The following DMTF1 variants were observed in gnomAD, a reference collection of about 807,000 sequenced individuals.
DMTF1 encodes cyclin-D-binding Myb-like transcription factor 1.
A neutral mutation model predicts 91.1 loss-of-function variants in DMTF1; 39 were observed. The ratio of observed to expected loss-of-function variants is 0.43; its 90% CI spans 0.33 to 0.56. DMTF1 has a LOEUF of 0.56. DMTF1 is among the 20% of genes least tolerant of loss of function. DMTF1 has a pLI of 0.05. For synonymous variants in DMTF1, 338 were observed against 309.5 expected (o/e 1.09, Z -0.97); for missense variants, 750 against 914.5 (o/e 0.82, Z 2.32).
intron 14 of DMTF1, chr7:87,192,953 C>A (rs953165384): frequency 4.6e-6 from 2 of 432,698 alleles, no homozygotes; most frequent in Non-Finnish European, 8.4e-6. Flanking sequence ...GTGGCTCATA[C>A]AACTGTCTTG....
At position 87,165,026 on chromosome 7, in the gene DMTF1, C is replaced by G. The variant is rs768895889; in HGVS notation, c.85C>G (p.Leu29Val). Residue 29 changes from leucine to valine, a missense_variant, in exon 3 of 18, where the codon CTC becomes GTC. Around this residue, in one of 3 missense-constraint regions of DMTF1, gnomAD observed 150 missense variants for 150.4 expected, o/e 1.00. Coordinates refer to ENST00000331242, the MANE Select transcript of DMTF1 (RefSeq NM_001142327.2). ...VTLTQDTEGN[L>V]ILHCPQNEAD... The stretch of plus-strand genomic sequence containing the variant: ...TTTGACTCAGGACACAGAAGGGAAT[C>G]TCATTCTTCACTGCCCTCAGAATGG... 1.6e-5 allele frequency: 25 copies of G among 1,609,880 alleles called. No homozygotes were observed. The highest frequency in any genetic ancestry group is 1.1e-4 in the East Asian group (5 of 44,694).
chr7:87,164,008 A>G (rs898236502), intron 2 of DMTF1, among the ~76,000 whole-genome samples: 12 of 138,992 alleles, frequency 8.6e-5, no homozygotes, highest in South Asian at 2.3e-4. Context: ...TGTGCCTGTG[A>G]ATAGCCTCTG....
Position 87,181,341 on chromosome 7 carries a change from A to C in DMTF1, c.710A>C (p.Glu237Ala), listed in dbSNP as rs1169662228. 1 of 1,271,626 alleles carries C rather than the reference A, an allele frequency of 7.9e-7. No homozygotes were observed. Among genetic ancestry groups the C allele is most frequent in the African/African-American group, 1.5e-5 (1 of 66,980 alleles). 78.8% of individuals were successfully genotyped at this position (1,271,626 alleles called of 1,614,324 possible). ...YTPEEIEKLKELRIKHGNDWA... is the reference protein window; with the variant it reads ...YTPEEIEKLKALRIKHGNDWA... ...CCTGAAGAAATTGAGAAGCTCAAGG[A>C]GTAAGTTTTAAAGTTTTTTTCATTA... The change falls in exon 9 of 18, where the codon GAG becomes GCG. Residue 237 changes from glutamate to alanine, a missense_variant and splice_region_variant. Coordinates refer to ENST00000331242, the MANE Select transcript of DMTF1 (RefSeq NM_001142327.2).
In DMTF1 at chr7:87,179,620, A is replaced by G. The variant is rs1284540038; in HGVS notation, c.595A>G (p.Ile199Val). 2.5e-6 allele frequency: 4 copies of G among 1,584,468 alleles called. No individual in the cohort carries two copies. The highest frequency in any genetic ancestry group is 2.3e-5 in the East Asian group (1 of 43,178). ...CGAAAGAAAAGATTTCTACAGGACT[A>G]TAGCATGGGGTCTGAACCGGCCTTT... ...KDERKDFYRT[I>V]AWGLNRPLFA... The change falls in exon 8 of 18, where the codon ATA becomes GTA. Residue 199 changes from isoleucine (I) to valine (V), a missense_variant. By Grantham distance (29) the Ile-to-Val change is conservative (BLOSUM62 3). Around this residue, in one of 3 missense-constraint regions of DMTF1, gnomAD observed 190 missense variants for 343.8 expected, o/e 0.55. Transcript: ENST00000331242.
chr7:87,178,329 CAT>C (rs747585144), intron 7 of DMTF1, among the ~76,000 whole-genome samples: 18 of 152,022 alleles, frequency 1.2e-4, no homozygotes, highest in East Asian at 5.8e-4. Context: ...TTTAAAGTAA[CAT>C]ATTTTTTTCA....
intron 16 of DMTF1, chr7:87,194,430 T>TAC (rs1800719870): frequency 2.0e-6 from 1 of 489,320 alleles, no homozygotes; most frequent in East Asian, 3.3e-5. Context: ...AACATCATCC[T>TAC]ACACTGTAAC....
chr7:87,155,731 C>G (rs1790506858), intron 1 of DMTF1, among the ~76,000 whole-genome samples: 1 of 139,750 alleles, frequency 7.2e-6, no homozygotes, highest in Admixed American at 6.9e-5. Flanking sequence ...GGTTGTGTCT[C>G]CCCCACCCCA....
intron 13 of DMTF1, among the ~76,000 whole-genome samples, chr7:87,188,564 T>C (rs1798994199): frequency 1.3e-5 from 2 of 152,132 alleles, no homozygotes. Context: ...AATGACTTAA[T>C]AGAAATTATT....
rs755303180 is a variant in DMTF1 at position 87,166,531 on chromosome 7, G to T, written c.158G>T (p.Arg53Met). ...GATAGTATTGAACCTCCACATAAAA[G>T]GCTTTGTTTGTCCTCTGAGGATGAT... is the stretch of plus-strand genomic sequence containing the variant. ...SEDSIEPPHK[R>M]LCLSSEDDQS... is the part of the protein sequence containing the mutation. The change falls in exon 4 of 18, where the codon AGG (arginine) becomes ATG (methionine). Residue 53 changes from arginine to methionine, a missense_variant. By Grantham distance (91) the Arg-to-Met change is moderately conservative. Transcript: ENST00000331242. The T allele has an allele frequency of 6.2e-7, 1 of 1,613,182 alleles. No individual in the cohort carries two copies. Among genetic ancestry groups the T allele is most frequent in the Non-Finnish European group, 8.5e-7 (1 of 1,179,276 alleles).
chr7:87,173,314 A>G (rs1203768192), intron 5 of DMTF1, among the ~76,000 whole-genome samples: 1 of 152,180 alleles, frequency 6.6e-6, no homozygotes, highest in Admixed American at 6.5e-5. Context: ...GTGTTAATGC[A>G]TATAATTTTG....
At chr7:87,157,917 A>G (rs1791192659) in intron 1 of DMTF1, among the ~76,000 whole-genome samples, 1 of 151,884 alleles carries the variant, frequency 6.6e-6, no homozygotes, top group African/African-American at 2.4e-5. Context: ...GCAATTGTAT[A>G]ATTGTTTTGT....
intron 2 of DMTF1, chr7:87,164,443 T>G (rs957379775): frequency 6.6e-6 from 1 of 152,242 alleles, no homozygotes; most frequent in African/African-American, 2.4e-5. Flanking sequence ...TTCAATATTT[T>G]GAAAACACAG....
intron 1 of DMTF1, among the ~76,000 whole-genome samples, chr7:87,155,865 A>T (rs1011741321): frequency 6.6e-6 from 1 of 151,780 alleles, no homozygotes; most frequent in South Asian, 2.1e-4. Flanking sequence ...ATCATTTCAT[A>T]TATTTAAATG....
intron 12 of DMTF1, chr7:87,187,089 T>C (rs1011825370): frequency 6.6e-6 from 1 of 152,234 alleles, no homozygotes; most frequent in African/African-American, 2.4e-5. Context: ...GTTGCCTGTT[T>C]TGCATTTAGG....
In DMTF1 at chr7:87,188,273, G is replaced by A; in HGVS notation, c.1383G>A (p.Leu461=). Residue 461 remains leucine (L), a synonymous_variant, in exon 13 of 18, where the codon TTG becomes TTA. Coordinates refer to ENST00000331242, the MANE Select transcript of DMTF1 (RefSeq NM_001142327.2). ...TCTCTTCTAGCCCCATGGCAGCATTGCAGATTCCAGTCCAGATCACCCATG... is the reference window on the plus strand; with the variant it reads ...TCTCTTCTAGCCCCATGGCAGCATTACAGATTCCAGTCCAGATCACCCATG... ...TAISSSPMAA[L]QIPVQITHVS... 6.2e-7 allele frequency: 1 copy of A among 1,613,918 alleles called. No individual in the cohort carries two copies. The highest frequency in any genetic ancestry group is 8.5e-7 in the Non-Finnish European group (1 of 1,179,864).
chr7:87,153,950 A>C (rs1244462770), intron 1 of DMTF1, among the ~76,000 whole-genome samples: 1 of 152,140 alleles, frequency 6.6e-6, no homozygotes, highest in African/African-American at 2.4e-5. Context: ...TTTTGAAATT[A>C]TATTTCAAAT....
chr7:87,153,575 T>C (rs1789894066), intron 1 of DMTF1, among the ~76,000 whole-genome samples: 1 of 152,094 alleles, frequency 6.6e-6, no homozygotes, highest in African/African-American at 2.4e-5. Context: ...CCTCCCTTTC[T>C]CTCATTGAAT....
intron 11 of DMTF1, chr7:87,184,839 A>G (rs1798068936): frequency 1.5e-6 from 1 of 660,362 alleles, no homozygotes. Flanking sequence ...TGCTCATGCA[A>G]AGTACCAGAT....
intron 6 of DMTF1, among the ~76,000 whole-genome samples, chr7:87,174,210 G>GT (rs1309718685): frequency 1.3e-5 from 2 of 152,112 alleles, no homozygotes; most frequent in African/African-American, 2.4e-5. Context: ...TTGCCCTAGA[G>GT]TTTTTTGTAT....
Sources: gnomAD v4.1 joint callset for allele counts (sites outside exome capture counted in the v4.1 genomes callset) on GRCh38, gnomAD v4.1.1 for gene constraint, gnomAD v4.1.1 regional missense constraint, MANE v1.5 for transcripts, NCBI Gene and HGNC (gene_info 2026-07-23, HGNC 2026-07-21) for gene names.